The following COL1A1 variants were observed in gnomAD, a reference collection of about 807,000 sequenced individuals.
COL1A1 encodes the protein collagen alpha-1(I) chain.
In COL1A1, 21 loss-of-function variants were observed where a neutral mutation model predicts 195.7. That is an observed-to-expected ratio of 0.11 (90% CI 0.08 to 0.15). The LOEUF is 0.15. Among genes scored for constraint, COL1A1 ranks in the 10% least tolerant of loss-of-function variants. The pLI is 1.00. For missense variants in COL1A1, 1,365 were observed against 2,051.0 expected, an observed-to-expected ratio of 0.67 and a Z score of 6.46; for synonymous variants, 749 against 747.3, an observed-to-expected ratio of 1.00 and a Z score of -0.04.
chr17:50,194,027 T>G lies in COL1A1; in HGVS notation c.1683A>C (p.Gln561His), dbSNP rs751582370. The G allele has an allele frequency of 6.8e-6, 11 of 1,613,562 alleles. No individual in the cohort carries two copies. The South Asian group carries it at 1.1e-4, about 16-fold the overall frequency. ...GKTGPPGPAG[Q>H]DGRPGPPGPP... The stretch of plus-strand genomic sequence containing the variant: ...GGCCTGGGGGTCCGGGGCGACCATC[T>G]TGACCGGCGGGACCCTAAGGATGGG... Residue 561 changes from glutamine to histidine, a missense_variant, in exon 25 of 51, where the codon CAA (glutamine) becomes CAC (histidine). Transcript: ENST00000225964. The surrounding 1 kb of genome is among the most constrained non-coding windows in gnomAD (Gnocchi z 6.8).
chr17:50,189,156 G>A lies in COL1A1; in HGVS notation c.2937+12C>T, dbSNP rs1906840824. 6.8e-6 allele frequency: 11 copies of A among 1,612,782 alleles called. No individual in the cohort carries two copies. The highest frequency in any genetic ancestry group is 3.4e-6 in the Non-Finnish European group (4 of 1,179,154). On this transcript the variant is annotated intron_variant, in intron 40 of 50. Coordinates refer to ENST00000225964, the MANE Select transcript of COL1A1 (RefSeq NM_000088.4). This position sits in a 1 kb window ranked among gnomAD's most constrained non-coding sequence, Gnocchi z 5.5. ...TTTTCTCAGGGCCCCCCAAGGTGAG[G>A]GGGGCACTTACAGAGGGGCCAGGAA...
At chr17:50,198,637 A>G in intron 5 of COL1A1, 133 bp from the exon 6 acceptor site, 2 of 630,628 alleles carry the variant, frequency 3.2e-6, no homozygotes. Flanking sequence ...CTTTTAAGAC[A>G]TTCCTGCAAA....
At position 50,189,313 on chromosome 17, in the gene COL1A1, G is replaced by A; in HGVS notation, c.2830-38C>T. The A allele has an allele frequency of 6.2e-7, 1 of 1,613,778 alleles. No homozygotes were observed. The highest frequency in any genetic ancestry group is 8.5e-7 in the Non-Finnish European group (1 of 1,179,840). On this transcript the variant is annotated intron_variant, in intron 39 of 50. Coordinates refer to ENST00000225964, the MANE Select transcript of COL1A1 (RefSeq NM_000088.4). This position sits in a 1 kb window ranked among gnomAD's most constrained non-coding sequence, Gnocchi z 5.5. ...AACAGGGGTGAGGTGCCAGAGAGCA[G>A]CACAGGGACCCCTCCCCAGCTCTGC...
rs1598293534 is a variant in COL1A1, at chr17:50,192,545, GGGGAAGAAGGGA to G, written c.1930-29_1930-18del. 2 of 1,614,060 alleles carry G rather than the reference GGGGAAGAAGGGA, an allele frequency of 1.2e-6. No individual in the cohort carries two copies. The highest frequency in any genetic ancestry group is 1.7e-6 in the Non-Finnish European group (2 of 1,179,966). ...AGGGAGACCCTGTAGGTGGGAAATG[GGGGAAGAAGGGA>G]GGGAAGGTTTAGAATCTGGAAGAGA... is the stretch of plus-strand genomic sequence containing the variant. On this transcript the variant is annotated intron_variant, in intron 28 of 50. Coordinates refer to ENST00000225964, the MANE Select transcript of COL1A1 (RefSeq NM_000088.4).
In COL1A1 at chr17:50,192,943, A is replaced by G. The variant is rs754619497; in HGVS notation, c.1821+51T>C. On this transcript the variant is annotated intron_variant, in intron 26 of 50. Coordinates refer to ENST00000225964, the MANE Select transcript of COL1A1 (RefSeq NM_000088.4). Reference sequence around the variant, plus strand: ...AGCACCCCTCCTGCAGGGAGGAGAAAGTGCCGGGGCAGCAATGGGAAGGAG... The same window carrying G: ...AGCACCCCTCCTGCAGGGAGGAGAAGGTGCCGGGGCAGCAATGGGAAGGAG... 4 of 1,613,308 alleles carry G rather than the reference A, an allele frequency of 2.5e-6. No individual in the cohort carries two copies. In the South Asian group the frequency reaches 3.3e-5, roughly 13 times the overall value.
chr17:50,197,813 A>G, intron 8 of COL1A1, 28 bp from the exon 9 acceptor site: 2 of 1,604,410 alleles, frequency 1.2e-6, no homozygotes, highest in South Asian at 2.2e-5. Context: ...GGTGGTTAGA[A>G]TATGGATAAG....
Position 50,188,852 on chromosome 17 carries a change from G to A in COL1A1, c.3045+51C>T, listed in dbSNP as rs761146015. ...AGCCGGGGAAGAGGGCTTAGGCAAG[G>A]CCACAATGGCCATGCTGAGGGTACT... On this transcript the variant is annotated intron_variant, in intron 41 of 50. Transcript: ENST00000225964. This position sits in a 1 kb window ranked among gnomAD's most constrained non-coding sequence, Gnocchi z 5.6. 6 of 1,595,558 alleles carry A rather than the reference G, an allele frequency of 3.8e-6. No homozygotes were observed. The Admixed American group carries it at 6.7e-5, about 18-fold the overall frequency.
chr17:50,186,920 A>T lies in COL1A1; in HGVS notation c.3534T>A (p.Gly1178=). ...CAGGAGGTCCAGGAGGGCCGGGGGG[A>T]CCCTGCACAGAGAGGGAAGAGAGTG... ...RGRTGDAGPV[G]PPGPPGPPGP... Residue 1178 remains glycine (G), a splice_region_variant and synonymous_variant, in exon 48 of 51, where the codon GGT becomes GGA. Coordinates refer to ENST00000225964, the MANE Select transcript of COL1A1 (RefSeq NM_000088.4). This position sits in a 1 kb window ranked among gnomAD's most constrained non-coding sequence, Gnocchi z 5.3. 6.2e-7 allele frequency: 1 copy of T among 1,613,380 alleles called. No homozygotes were observed. Among genetic ancestry groups the T allele is most frequent in the Non-Finnish European group, 8.5e-7 (1 of 1,179,830 alleles).
rs72653173 is a variant in COL1A1 at position 50,188,765 on chromosome 17, G to C, written c.3076C>G (p.Arg1026Gly). ...ACCTTGGCGCCAGGAGAACCGTCTC[G>C]TCCAGGGGAACCTTCGGCACCAGGA... ...GAPGAEGSPG[R>G]DGSPGAKGDR... is the part of the protein sequence containing the mutation. The change falls in exon 42 of 51, where the codon CGA (arginine) becomes GGA (glycine). Residue 1026 changes from arginine to glycine, a missense_variant. Around this residue, in one of 5 missense-constraint regions of COL1A1, gnomAD observed 671 missense variants for 1,099.9 expected, o/e 0.61. Coordinates refer to ENST00000225964, the MANE Select transcript of COL1A1 (RefSeq NM_000088.4). This position sits in a 1 kb window ranked among gnomAD's most constrained non-coding sequence, Gnocchi z 5.6. The C allele has an allele frequency of 6.2e-7, 1 of 1,614,066 alleles. No individual in the cohort carries two copies. Among genetic ancestry groups the C allele is most frequent in the Admixed American group, 1.7e-5 (1 of 60,022 alleles).
intron 9 of COL1A1, 52 bp downstream of exon 9, chr17:50,197,680 A>C: frequency 6.9e-7 from 1 of 1,446,982 alleles, no homozygotes; most frequent in East Asian, 2.3e-5. Context: ...TGCAGGACCC[A>C]ACCCATGGAG....
At chr17:50,200,096 G>A (rs1241285896) in intron 1 of COL1A1, 149 bp from the exon 2 acceptor site, 2 of 878,566 alleles carry the variant, frequency 2.3e-6, no homozygotes, top group Non-Finnish European at 1.8e-6. Context: ...AAGCTCGCCT[G>A]CTCCTCATCA....
chr17:50,187,184 G>T, intron 46 of COL1A1, 62 bp from the exon 47 acceptor site: 1 of 1,352,220 alleles, frequency 7.4e-7, no homozygotes, highest in Non-Finnish European at 1.0e-6. Flanking sequence ...CAGCTCTGGA[G>T]GAGAGGCCCA....
intron 46 of COL1A1, 96 bp from the exon 47 acceptor site, chr17:50,187,218 C>T: frequency 9.2e-7 from 1 of 1,081,798 alleles, no homozygotes; most frequent in South Asian, 1.4e-5. Flanking sequence ...TGGCTCTGGC[C>T]CCACGGCTCA....
intron 15 of COL1A1, 74 bp downstream of exon 15, chr17:50,196,081 C>A: frequency 6.2e-7 from 1 of 1,609,130 alleles, no homozygotes; most frequent in South Asian, 1.1e-5. Flanking sequence ...AACCTGCTCC[C>A]ATTGTCAGCC....
chr17:50,189,135 C>T lies in COL1A1; in HGVS notation c.2937+33G>A, dbSNP rs1401553332. 1 of 1,608,356 alleles carries T rather than the reference C, an allele frequency of 6.2e-7. No homozygotes were observed. Among genetic ancestry groups the T allele is most frequent in the African/African-American group, 1.3e-5 (1 of 74,792 alleles). On this transcript the variant is annotated intron_variant, in intron 40 of 50. Coordinates refer to ENST00000225964, the MANE Select transcript of COL1A1 (RefSeq NM_000088.4). The surrounding 1 kb of genome is among the most constrained non-coding windows in gnomAD (Gnocchi z 5.5). ...CACTCCAAGTCCTGTGATGGTTTTT[C>T]TCAGGGCCCCCCAAGGTGAGGGGGG...
intron 9 of COL1A1, 58 bp downstream of exon 9, chr17:50,197,674 G>A: frequency 1.4e-6 from 2 of 1,413,090 alleles, no homozygotes; most frequent in Non-Finnish European, 1.9e-6. Context: ...GGAAATTGCA[G>A]GACCCAACCC....
At position 50,199,464 on chromosome 17, in the gene COL1A1, G is replaced by A; in HGVS notation, c.334-11C>T. On this transcript the variant is annotated splice_polypyrimidine_tract_variant and intron_variant, in intron 3 of 50. Transcript: ENST00000225964. ...GTCTCCCTTGGGTCCCTGTGGGATTGGGGGAGAAGAAACAAGAGGCCAGGT... is the reference window on the plus strand; with the variant it reads ...GTCTCCCTTGGGTCCCTGTGGGATTAGGGGAGAAGAAACAAGAGGCCAGGT... 1 of 1,614,172 alleles carries A rather than the reference G, an allele frequency of 6.2e-7. No homozygotes were observed. The highest frequency in any genetic ancestry group is 8.5e-7 in the Non-Finnish European group (1 of 1,180,006).
intron 8 of COL1A1, 33 bp downstream of exon 8, chr17:50,197,916 G>A (rs748250883): frequency 1.9e-6 from 3 of 1,611,426 alleles, no homozygotes; most frequent in South Asian, 1.1e-5. Context: ...TGTGTTTGTA[G>A]AAGGAGTATG....
Position 50,195,535 on chromosome 17 carries a change from G to A in COL1A1, c.1155+32C>T. 1 of 1,613,978 alleles carries A rather than the reference G, an allele frequency of 6.2e-7. No homozygotes were observed. The highest frequency in any genetic ancestry group is 8.5e-7 in the Non-Finnish European group (1 of 1,179,904). On this transcript the variant is annotated intron_variant, in intron 17 of 50. Transcript: ENST00000225964. This position sits in a 1 kb window ranked among gnomAD's most constrained non-coding sequence, Gnocchi z 4.3. ...GGCAAGGACTCTGAGGTTAGAAAGT[G>A]GCAAAGGGGACACTGAGTCGGGGAC... is the stretch of plus-strand genomic sequence containing the variant.
Sources: gnomAD v4.1 joint callset for allele counts on GRCh38, gnomAD v4.1.1 for gene constraint, gnomAD v4.1.1 regional missense constraint, Gnocchi (gnomAD v3.1) non-coding constraint, MANE v1.5 for transcripts, NCBI Gene and HGNC (gene_info 2026-07-23, HGNC 2026-07-21) for gene names.